The following PLPPR5 variants were observed in gnomAD, a reference collection of about 807,000 sequenced individuals.
PLPPR5 encodes phospholipid phosphatase-related protein type 5.
Under a neutral mutation model 33.9 loss-of-function variants are expected in PLPPR5, and 16 were observed. The observed-to-expected ratio is 0.47, with a 90% confidence interval of 0.32 to 0.72. PLPPR5 has a LOEUF of 0.72. PLPPR5 is among the 30% of genes least tolerant of loss of function. PLPPR5 has a pLI of 0.03. For missense variants in PLPPR5, 301 were observed against 406.7 expected (o/e 0.74, Z 2.23); for synonymous variants, 163 against 150.3 (o/e 1.08, Z -0.62).
intron 1 of PLPPR5, among the ~76,000 whole-genome samples, chr1:98,979,009 C>T (rs757758137): frequency 7.2e-5 from 11 of 152,098 alleles, no homozygotes; most frequent in Non-Finnish European, 1.6e-4. Context: ...TTCTCTATAT[C>T]CTGAGTTCAA....
At chr1:98,916,461 G>A (rs1385880547) in intron 4 of PLPPR5, among the ~76,000 whole-genome samples, 1 of 152,212 alleles carries the variant, frequency 6.6e-6, no homozygotes, top group African/African-American at 2.4e-5. Context: ...CTGTTCTAGA[G>A]ATAAGGTAAG....
intron 1 of PLPPR5, among the ~76,000 whole-genome samples, chr1:98,997,667 A>G (rs1207390117): frequency 2.0e-5 from 3 of 152,216 alleles, no homozygotes; most frequent in Non-Finnish European, 4.4e-5. Context: ...AAAAAAGTAT[A>G]AAAATCTTAC....
At chr1:98,903,686 C>G (rs1881162) in intron 5 of PLPPR5, among the ~76,000 whole-genome samples, 39,258 of 151,858 alleles carry the variant, frequency 0.26, 5,280 homozygotes, top group Middle Eastern at 0.32. Context: ...AGGGAACTAA[C>G]TTGTGTGAAG....
At chr1:98,925,512 T>G (rs1649718122) in intron 3 of PLPPR5, among the ~76,000 whole-genome samples, 1 of 152,210 alleles carries the variant, frequency 6.6e-6, no homozygotes, top group Non-Finnish European at 1.5e-5. Context: ...ATACAATAAT[T>G]AACACACATA....
At chr1:98,908,450 T>G (rs538644381) in intron 5 of PLPPR5, among the ~76,000 whole-genome samples, 2 of 152,214 alleles carry the variant, frequency 1.3e-5, no homozygotes, top group East Asian at 3.9e-4. Flanking sequence ...CTAGAAAGAG[T>G]CAGAAATTTG....
chr1:98,926,983 T>C (rs1412827904), intron 3 of PLPPR5, among the ~76,000 whole-genome samples: 2 of 152,190 alleles, frequency 1.3e-5, no homozygotes, highest in Admixed American at 1.3e-4. Context: ...ATGGGGTGTG[T>C]AACAAAATTG....
chr1:98,946,437 T>C (rs1270584636), intron 3 of PLPPR5, among the ~76,000 whole-genome samples: 1 of 152,194 alleles, frequency 6.6e-6, no homozygotes, highest in Middle Eastern at 3.2e-3. Context: ...TATTCACCCT[T>C]GCTAATCCTT....
chr1:98,967,277 T>C (rs1449258183), intron 1 of PLPPR5, among the ~76,000 whole-genome samples: 1 of 152,132 alleles, frequency 6.6e-6, no homozygotes, highest in Admixed American at 6.6e-5. Context: ...CTGAGAAGGA[T>C]GGCTCACTTA....
At chr1:98,991,566 T>C (rs1384828957) in intron 1 of PLPPR5, among the ~76,000 whole-genome samples, 5 of 152,186 alleles carry the variant, frequency 3.3e-5, no homozygotes, top group Non-Finnish European at 7.3e-5. Context: ...CTCATGTCCA[T>C]GTTATATGAA....
intron 5 of PLPPR5, among the ~76,000 whole-genome samples, chr1:98,913,091 T>C (rs1475207148): frequency 6.6e-6 from 1 of 152,168 alleles, no homozygotes; most frequent in Non-Finnish European, 1.5e-5. Flanking sequence ...CTTTGTTTTG[T>C]CCTAACTGTT....
chr1:98,902,088 T>C (rs1648713892), intron 5 of PLPPR5, among the ~76,000 whole-genome samples: 3 of 152,082 alleles, frequency 2.0e-5, no homozygotes, highest in South Asian at 4.1e-4. Flanking sequence ...GATGTATTAC[T>C]TAACCTATGT....
Position 98,953,298 on chromosome 1 carries a change from A to C in PLPPR5, c.393T>G (p.Phe131Leu), listed in dbSNP as rs1441771227. ...CAGCATTTACAAAGATATCTGTAGC[A>C]AACAGTCCAAATGTATAAATTCCTG... ...RFLGIYTFGLFATDIFVNAGQ... is the reference protein window; with the variant it reads ...RFLGIYTFGLLATDIFVNAGQ... The change falls in exon 3 of 6, where the codon TTT (phenylalanine) becomes TTG (leucine). Residue 131 changes from phenylalanine (F) to leucine (L), a missense_variant. By Grantham distance (22) the Phe-to-Leu change is conservative. Coordinates refer to ENST00000263177, the MANE Select transcript of PLPPR5 (RefSeq NM_001037317.2). The C allele has an allele frequency of 1.2e-6, 2 of 1,613,892 alleles. No individual in the cohort carries two copies. The highest frequency in any genetic ancestry group is 1.7e-6 in the Non-Finnish European group (2 of 1,179,980).
chr1:98,929,870 A>T, intron 3 of PLPPR5, among the ~76,000 whole-genome samples: 1 of 152,190 alleles, frequency 6.6e-6, no homozygotes, highest in East Asian at 1.9e-4. Context: ...TCACCACTTA[A>T]CATTTGTTTT....
At chr1:98,952,705 G>C (rs1304422473) in intron 3 of PLPPR5, among the ~76,000 whole-genome samples, 2 of 152,216 alleles carry the variant, frequency 1.3e-5, no homozygotes, top group Admixed American at 1.3e-4. Context: ...ATGAGAGCTT[G>C]GGTAGGCAGC....
chr1:98,922,138 C>T (rs1290319434), intron 3 of PLPPR5, 80 bp from the exon 4 acceptor site: 1 of 1,322,978 alleles, frequency 7.6e-7, no homozygotes, highest in African/African-American at 1.5e-5. Context: ...TATGTACAAA[C>T]ATATATTTAT....
intron 2 of PLPPR5, among the ~76,000 whole-genome samples, chr1:98,956,135 C>T (rs1650991269): frequency 6.6e-6 from 1 of 152,104 alleles, no homozygotes; most frequent in African/African-American, 2.4e-5. Flanking sequence ...TGATGTTCGA[C>T]AACCTACCTG....
intron 1 of PLPPR5, among the ~76,000 whole-genome samples, chr1:98,960,204 A>T (rs78097355): frequency 0.028 from 4,230 of 151,392 alleles, 81 homozygotes; most frequent in African/African-American, 0.057. Flanking sequence ...TAATAATAAT[A>T]ATTATTATTA....
rs532401392 is a variant in PLPPR5 at position 98,964,626 on chromosome 1, T to C, written c.238-7885A>G. 2.6e-5 allele frequency among the ~76,000 whole-genome samples: 4 copies of C among 152,232 alleles called. No individual in the cohort carries two copies. The South Asian group carries it at 8.3e-4, about 32-fold the overall frequency. On this transcript the variant is annotated intron_variant, in intron 1 of 5. Coordinates refer to ENST00000263177, the MANE Select transcript of PLPPR5 (RefSeq NM_001037317.2). The stretch of plus-strand genomic sequence containing the variant: ...ATCTGGGCTCACTAAACTCAACCCA[T>C]CCCTACTCCTACTCTGCCAAGAGAG...
chr1:98,917,679 T>G (rs1051223118), intron 4 of PLPPR5, among the ~76,000 whole-genome samples: 1 of 152,216 alleles, frequency 6.6e-6, no homozygotes, highest in Non-Finnish European at 1.5e-5. Flanking sequence ...CGTGGATGCC[T>G]TCCTTGAACT....
Sources: allele counts gnomAD v4.1 joint callset (sites outside exome capture counted in the v4.1 genomes callset), GRCh38; gene constraint gnomAD v4.1.1; transcripts MANE v1.5; gene names NCBI Gene and HGNC (gene_info 2026-07-23, HGNC 2026-07-21).